The following LRBA variants were observed in gnomAD, a reference collection of about 807,000 sequenced individuals.
The protein encoded by LRBA is lipopolysaccharide-responsive and beige-like anchor protein.
In LRBA, 176 loss-of-function variants were observed where a neutral mutation model predicts 330.0. The observed-to-expected ratio is 0.53, with a 90% confidence interval of 0.47 to 0.60. The LOEUF is 0.60. Among genes scored for constraint, LRBA ranks in the 20% least tolerant of loss-of-function variants. The pLI, the probability that LRBA is intolerant of heterozygous loss-of-function variation, is 0.00. For missense variants in LRBA, 3,259 were observed against 3,444.8 expected, an observed-to-expected ratio of 0.95 and a Z score of 1.35; for synonymous variants, 1,230 against 1,193.0, an observed-to-expected ratio of 1.03 and a Z score of -0.64.
rs879340662 is a variant in LRBA, at chr4:150,852,408, A to G, written c.3302T>C (p.Ile1101Thr). 1.6e-5 allele frequency: 26 copies of G among 1,613,586 alleles called. No individual in the cohort carries two copies. Among genetic ancestry groups the G allele is most frequent in the Non-Finnish European group, 2.2e-5 (26 of 1,179,960 alleles). The change falls in exon 23 of 57, where the codon ATA becomes ACA. Residue 1101 changes from isoleucine (I) to threonine (T), a missense_variant. By Grantham distance (89) the Ile-to-Thr change is moderately conservative. Coordinates refer to ENST00000651943, the MANE Select transcript of LRBA (RefSeq NM_001364905.1). The stretch of plus-strand genomic sequence containing the variant: ...ATCATCATCTTCCTCTTCCTCTACT[A>G]TAGATTTATCCAAGAATTCTGGCAT... ...SEMPEFLDKS[I>T]VEEEEDDDYV...
chr4:150,760,153 A>G (rs965174609), intron 35 of LRBA, among the ~76,000 whole-genome samples: 3 of 152,166 alleles, frequency 2.0e-5, no homozygotes, highest in African/African-American at 4.8e-5. Flanking sequence ...ATAAACTTCA[A>G]TATCATCCAA....
At chr4:150,641,699 T>C (rs1778695960) in intron 37 of LRBA, among the ~76,000 whole-genome samples, 1 of 152,132 alleles carries the variant, frequency 6.6e-6, no homozygotes, top group Non-Finnish European at 1.5e-5. Flanking sequence ...TTCTTCTTTA[T>C]ATGCACAAGG....
chr4:150,875,880 A>C (rs1341185792), intron 17 of LRBA, among the ~76,000 whole-genome samples: 1 of 152,224 alleles, frequency 6.6e-6, no homozygotes, highest in Non-Finnish European at 1.5e-5. Flanking sequence ...ACCATGGTCC[A>C]TAACCAAAAT....
Position 150,867,659 on chromosome 4 carries a change from A to G in LRBA, c.2766+12T>C, listed in dbSNP as rs768505109. ...TTAAAATGCTACAATACGCTTTCAT[A>G]AAGAAACTTACCTTTGAATGAGTGA... On this transcript the variant is annotated intron_variant, in intron 22 of 56. Transcript: ENST00000651943. 6.3e-7 allele frequency: 1 copy of G among 1,585,856 alleles called. No individual in the cohort carries two copies. The highest frequency in any genetic ancestry group is 8.5e-7 in the Non-Finnish European group (1 of 1,169,610).
rs552789052 is a variant in LRBA at position 150,807,892 on chromosome 4, C to T, written c.5384+428G>A. 2.4e-4 allele frequency among the ~76,000 whole-genome samples: 37 copies of T among 152,190 alleles called. No individual in the cohort carries two copies. In the Middle Eastern group the frequency reaches 0.01, roughly 42 times the overall value. On this transcript the variant is annotated intron_variant, in intron 32 of 56. Coordinates refer to ENST00000651943, the MANE Select transcript of LRBA (RefSeq NM_001364905.1). ...CTTGAACTCCTGACTTCAAGTAATC[C>T]GCCTGCCTCAGCCTCTCAAAGTGCT...
chr4:150,335,013 A>G (rs569823313), intron 48 of LRBA, among the ~76,000 whole-genome samples: 1 of 151,848 alleles, frequency 6.6e-6, no homozygotes, highest in Admixed American at 6.6e-5. Context: ...TATTTTTAGT[A>G]GAGATGGGGT....
At chr4:150,372,589 G>GA (rs936196776) in intron 47 of LRBA, among the ~76,000 whole-genome samples, 12 of 142,356 alleles carry the variant, frequency 8.4e-5, no homozygotes, top group Admixed American at 6.3e-4. Context: ...GAAAGGAAAA[G>GA]AAAAAAAATC....
intron 34 of LRBA, among the ~76,000 whole-genome samples, chr4:150,795,719 T>C (rs1222156475): frequency 6.6e-6 from 1 of 151,964 alleles, no homozygotes; most frequent in Admixed American, 6.6e-5. Context: ...TGAGTGGACA[T>C]TGAAAATGAC....
At chr4:150,582,643 G>A (rs1387103093) in intron 40 of LRBA, 1 of 183,150 alleles carries the variant, frequency 5.5e-6, no homozygotes, top group African/African-American at 2.4e-5. Flanking sequence ...CTCGGCTGCA[G>A]ACATCTAAGC....
chr4:150,893,247 T>C (rs1729663786), intron 16 of LRBA, 98 bp from the exon 17 acceptor site: 4 of 651,166 alleles, frequency 6.1e-6, no homozygotes, highest in Non-Finnish European at 1.1e-5. Context: ...ATTAGAAATA[T>C]AAGTAGACAT....
intron 42 of LRBA, among the ~76,000 whole-genome samples, chr4:150,472,805 T>C (rs977445861): frequency 1.3e-5 from 2 of 152,160 alleles, no homozygotes; most frequent in Admixed American, 6.6e-5. Context: ...TTTATCAATA[T>C]GGTAGCATGT....
chr4:150,914,245 G>C lies in LRBA; in HGVS notation c.1111C>G (p.Leu371Val). The change falls in exon 9 of 57, where the codon CTA (leucine) becomes GTA (valine). Residue 371 changes from leucine to valine, a missense_variant. Coordinates refer to ENST00000651943, the MANE Select transcript of LRBA (RefSeq NM_001364905.1). ...ATAGCAAATATCTGAGCTGCATTTA[G>C]AGCTTCACTGAAAAGGTAAACTGCA... ...MTAVYLFSEA[L>V]NAAQIFAIYQ... 1 of 1,610,472 alleles carries C rather than the reference G, an allele frequency of 6.2e-7. No individual in the cohort carries two copies. Among genetic ancestry groups the C allele is most frequent in the Non-Finnish European group, 8.5e-7 (1 of 1,178,128 alleles).
chr4:150,730,942 A>G (rs1730373118), intron 36 of LRBA, among the ~76,000 whole-genome samples: 1 of 152,050 alleles, frequency 6.6e-6, no homozygotes, highest in Non-Finnish European at 1.5e-5. Flanking sequence ...CGCCTGAACC[A>G]GGGCAGTGGA....
intron 22 of LRBA, among the ~76,000 whole-genome samples, chr4:150,856,131 C>A (rs569740996): frequency 6.6e-6 from 1 of 152,292 alleles, no homozygotes; most frequent in South Asian, 2.1e-4. Context: ...TAGGTCGAAG[C>A]ACAGCATGTC....
intron 47 of LRBA, among the ~76,000 whole-genome samples, chr4:150,404,915 G>T (rs565753418): frequency 3.0e-4 from 45 of 152,210 alleles, no homozygotes; most frequent in Non-Finnish European, 4.9e-4. Flanking sequence ...ACAAAATGCG[G>T]TTTACTCTCA....
intron 40 of LRBA, among the ~76,000 whole-genome samples, chr4:150,559,085 A>T (rs533258418): frequency 1.3e-5 from 2 of 152,324 alleles, no homozygotes; most frequent in South Asian, 2.1e-4. Flanking sequence ...TAGACGTATA[A>T]CCTGAATCCA....
chr4:150,407,622 T>C (rs1455147738), intron 47 of LRBA, among the ~76,000 whole-genome samples: 2 of 152,122 alleles, frequency 1.3e-5, no homozygotes, highest in Non-Finnish European at 2.9e-5. Context: ...ATAGACCCAA[T>C]GCTAGGTTGA....
At chr4:150,312,947 T>C (rs1249586981) in intron 51 of LRBA, among the ~76,000 whole-genome samples, 1 of 151,894 alleles carries the variant, frequency 6.6e-6, no homozygotes, top group Admixed American at 6.6e-5. Context: ...GTTCATTTTA[T>C]GTAAATAAAC....
At chr4:150,272,456 A>G (rs1307599754) in intron 56 of LRBA, among the ~76,000 whole-genome samples, 1 of 152,066 alleles carries the variant, frequency 6.6e-6, no homozygotes, top group Non-Finnish European at 1.5e-5. Flanking sequence ...AATGGAACAA[A>G]GCTGAACAGT....
Sources: gnomAD v4.1 joint callset for allele counts (sites outside exome capture counted in the v4.1 genomes callset) on GRCh38, gnomAD v4.1.1 for gene constraint, MANE v1.5 for transcripts, NCBI Gene and HGNC (gene_info 2026-07-23, HGNC 2026-07-21) for gene names.